The following KIF1B variants were observed in gnomAD, a reference collection of about 807,000 sequenced individuals.
KIF1B encodes the protein kinesin family member 1B, also known as kinesin-like protein KIF1B.
KIF1B carries 76 observed loss-of-function variants against 241.9 expected under a neutral mutation model. The observed-to-expected ratio is 0.31, with a 90% CI of 0.26 to 0.38. The LOEUF is 0.38. Among genes scored for constraint, KIF1B ranks in the 10% least tolerant of loss-of-function variants. KIF1B has a pLI of 1.00. For synonymous variants in KIF1B, 750 were observed against 796.7 expected (o/e 0.94, Z 0.99); for missense variants, 1,622 against 2,271.4 (o/e 0.71, Z 5.81).
At chr1:10,363,473 C>G (rs997822786) in intron 41 of KIF1B, 129 bp downstream of exon 41, 11 of 771,622 alleles carry the variant, frequency 1.4e-5, no homozygotes, top group Admixed American at 9.2e-5. Flanking sequence ...GGGTGGATCA[C>G]CTGAGTCCAG....
rs116019973 is a variant in KIF1B, at chr1:10,337,905, C to T, written c.3422+372C>T. ...CAATGACTTATCTAGCTAGCAATTA[C>T]GCCTATTTAATACTCGGGAAAAGGA... On this transcript the variant is annotated intron_variant, in intron 31 of 48. Transcript: ENST00000676179. The surrounding 1 kb of genome is among the most constrained non-coding windows in gnomAD (Gnocchi z 4.0). 8.0e-3 allele frequency among the ~76,000 whole-genome samples: 1,224 copies of T among 152,118 alleles called. 19 individuals are homozygous for T. Among genetic ancestry groups the T allele is most frequent in the African/African-American group, 0.028 (1,167 of 41,452 alleles).
rs1423081904 is a variant in KIF1B at position 10,374,569 on chromosome 1, A to G, written c.5096+104A>G. On this transcript the variant is annotated intron_variant, in intron 46 of 48. Coordinates refer to ENST00000676179, the MANE Select transcript of KIF1B (RefSeq NM_001365951.3). This position sits in a 1 kb window ranked among gnomAD's most constrained non-coding sequence, Gnocchi z 4.3. ...TGAGGTCTGTACTGTAGTCTGATGC[A>G]ATCTGTACTGTAGTCTGATGCAAGT... 1 of 1,327,032 alleles carries G rather than the reference A, an allele frequency of 7.5e-7. No homozygotes were observed. The highest frequency in any genetic ancestry group is 1.7e-5 in the Admixed American group (1 of 59,142). The allele number at this position is 1,327,032 out of a possible 1,614,324, so 82.2% of individuals were successfully genotyped here. A position where few individuals can be genotyped will look rare whatever the true frequency, so the allele number is the denominator to read the frequency against.
At chr1:10,313,758 G>GC (rs752724919) in intron 22 of KIF1B, among the ~76,000 whole-genome samples, 3 of 150,802 alleles carry the variant, frequency 2.0e-5, no homozygotes, top group Non-Finnish European at 2.9e-5. Flanking sequence ...CACCGTGTTA[G>GC]CCAGGATGGT....
chr1:10,263,626 A>G (rs1241362042), intron 5 of KIF1B, among the ~76,000 whole-genome samples: 3 of 152,214 alleles, frequency 2.0e-5, no homozygotes, highest in Non-Finnish European at 4.4e-5. Flanking sequence ...TGACTGTCAT[A>G]CACCAAAAAG....
Position 10,354,098 on chromosome 1 carries a change from CCAA to C in KIF1B, c.4055+1368_4055+1370del, listed in dbSNP as rs1388527485. Among the ~76,000 whole-genome samples, 12 of 152,048 alleles carry C rather than the reference CCAA, an allele frequency of 7.9e-5. 1 individual carries two copies. The highest frequency in any genetic ancestry group is 7.9e-4 in the Admixed American group (12 of 15,258). ...CTTTAAGAAGTCCTTTAATTCACGC[CCAA>C]CAACAGGTCAGGTGCTACAAGAAAT... is the stretch of plus-strand genomic sequence containing the variant. On this transcript the variant is annotated intron_variant, in intron 38 of 48. Coordinates refer to ENST00000676179, the MANE Select transcript of KIF1B (RefSeq NM_001365951.3).
intron 10 of KIF1B, among the ~76,000 whole-genome samples, chr1:10,273,934 CTTT>C (rs35845856): frequency 8.6e-6 from 1 of 116,784 alleles, no homozygotes; most frequent in Non-Finnish European, 1.7e-5. Context: ...TTAGTAGCTT[CTTT>C]TTTTTTTTTT....
rs150497684 is a variant in KIF1B at position 10,381,545 on chromosome 1, G to A, written c.*4958G>A. ...ATCTAACTGTGTGTGGTAACCTTGCGTCACGGAGCTGTTAGTGAACGAGGT... is the reference window on the plus strand; with the variant it reads ...ATCTAACTGTGTGTGGTAACCTTGCATCACGGAGCTGTTAGTGAACGAGGT... On this transcript the variant is annotated 3_prime_UTR_variant, in exon 49 of 49. Coordinates refer to ENST00000676179, the MANE Select transcript of KIF1B (RefSeq NM_001365951.3). The A allele has an allele frequency of 1.5e-3, 295 of 198,448 alleles. 1 individual carries two copies. Among genetic ancestry groups the A allele is most frequent in the Non-Finnish European group, 2.0e-3 (191 of 95,532 alleles). 12.3% of individuals were successfully genotyped at this position (198,448 alleles called of 1,614,324 possible). A position where few individuals can be genotyped will look rare whatever the true frequency, so the allele number is the denominator to read the frequency against.
intron 32 of KIF1B, among the ~76,000 whole-genome samples, chr1:10,341,109 C>T (rs2102321102): frequency 6.6e-6 from 1 of 152,338 alleles, no homozygotes; most frequent in East Asian, 1.9e-4. Flanking sequence ...ATCTCAGATG[C>T]TCCCAGTGAG....
chr1:10,228,759 G>A (rs1646942098), intron 1 of KIF1B, among the ~76,000 whole-genome samples: 1 of 152,166 alleles, frequency 6.6e-6, no homozygotes, highest in African/African-American at 2.4e-5. Context: ...GTATGTGGTA[G>A]TAAGGACATG....
chr1:10,349,266 TCTA>T (rs1489874028), intron 37 of KIF1B, among the ~76,000 whole-genome samples: 2 of 151,938 alleles, frequency 1.3e-5, no homozygotes, highest in Non-Finnish European at 2.9e-5. Flanking sequence ...AAATCCCATC[TCTA>T]CAAAAAAATA....
In KIF1B at chr1:10,282,668, T is replaced by G; in HGVS notation, c.1434+135T>G. 8 of 781,674 alleles carry G rather than the reference T, an allele frequency of 1.0e-5. No homozygotes were observed. The Admixed American group carries it at 1.7e-4, about 17-fold the overall frequency. 48.4% of individuals were successfully genotyped at this position (781,674 alleles called of 1,614,324 possible). On this transcript the variant is annotated intron_variant, in intron 15 of 48. Transcript: ENST00000676179. Reference sequence around the variant, plus strand: ...TCTTAGAAGTGTCCTGAAAATTGAATTTTGTGCTTTGTAAGTTAATTTCTT... The same window carrying G: ...TCTTAGAAGTGTCCTGAAAATTGAAGTTTGTGCTTTGTAAGTTAATTTCTT...
At chr1:10,291,946 C>A in intron 16 of KIF1B, 101 bp from the exon 17 acceptor site, 1 of 920,098 alleles carries the variant, frequency 1.1e-6, no homozygotes, top group Non-Finnish European at 1.8e-6. Flanking sequence ...ATAAACATGG[C>A]CAGTTGTTTT....
intron 1 of KIF1B, among the ~76,000 whole-genome samples, chr1:10,229,692 TA>T (rs796778699): frequency 1.0e-4 from 15 of 144,044 alleles, no homozygotes; most frequent in South Asian, 2.2e-4. Context: ...CCATCTCTAC[TA>T]AAAAAAAAAT....
Position 10,324,081 on chromosome 1 carries a change from A to G in KIF1B, c.2537+19A>G. 6.2e-7 allele frequency: 1 copy of G among 1,612,402 alleles called. No homozygotes were observed. The highest frequency in any genetic ancestry group is 8.5e-7 in the Non-Finnish European group (1 of 1,178,674). ...AACTCAAGTATGAAAACATTCATAAAGGCTGGTTGTTTTATTTAGGAAATA... is the reference window on the plus strand; with the variant it reads ...AACTCAAGTATGAAAACATTCATAAGGGCTGGTTGTTTTATTTAGGAAATA... On this transcript the variant is annotated intron_variant, in intron 25 of 48. Transcript: ENST00000676179.
intron 6 of KIF1B, 74 bp downstream of exon 6, chr1:10,267,632 G>T: frequency 7.1e-7 from 1 of 1,406,028 alleles, no homozygotes; most frequent in South Asian, 1.2e-5. Flanking sequence ...TTAAGGGTTT[G>T]AGGCCACATT....
At position 10,346,374 on chromosome 1, in the gene KIF1B, G is replaced by T. The variant is rs868101107; in HGVS notation, c.3797+421G>T. ...TTTTTTGGGGTTTTTTTTGTTTTTT[G>T]TTTTTTTTGAGATGGAGGCTTGCTC... On this transcript the variant is annotated intron_variant, in intron 35 of 48. Coordinates refer to ENST00000676179, the MANE Select transcript of KIF1B (RefSeq NM_001365951.3). Among the ~76,000 whole-genome samples, 759 of 151,234 alleles carry T rather than the reference G, an allele frequency of 5.0e-3. 5 individuals are homozygous for T. Among genetic ancestry groups the T allele is most frequent in the African/African-American group, 0.017 (718 of 41,174 alleles).
Position 10,357,384 on chromosome 1 carries a change from A to G in KIF1B, c.4056-3545A>G, listed in dbSNP as rs72867417. Among the ~76,000 whole-genome samples the G allele has an allele frequency of 3.3e-3, 496 of 152,218 alleles. 5 individuals are homozygous for G. Among genetic ancestry groups the G allele is most frequent in the African/African-American group, 0.012 (481 of 41,546 alleles). On this transcript the variant is annotated intron_variant, in intron 38 of 48. Coordinates refer to ENST00000676179, the MANE Select transcript of KIF1B (RefSeq NM_001365951.3). ...AGCCCTGTTTGTAACCCTAAATTCTATTGCCAGCTTGATTAAATTGACATT... is the reference window on the plus strand; with the variant it reads ...AGCCCTGTTTGTAACCCTAAATTCTGTTGCCAGCTTGATTAAATTGACATT...
At chr1:10,277,477 G>A (rs1216779433) in intron 12 of KIF1B, among the ~76,000 whole-genome samples, 4 of 152,106 alleles carry the variant, frequency 2.6e-5, no homozygotes, top group Non-Finnish European at 5.9e-5. Flanking sequence ...TAAAACTATA[G>A]GTGCATGCCA....
chr1:10,375,226 TTTC>T (rs1170895992), intron 47 of KIF1B, 26 bp from the exon 48 acceptor site: 1 of 1,591,288 alleles, frequency 6.3e-7, no homozygotes, highest in Non-Finnish European at 8.6e-7. Context: ...CTGTAGTAAC[TTTC>T]TTGTCTACCT....
Sources: allele counts gnomAD v4.1 joint callset (sites outside exome capture counted in the v4.1 genomes callset), GRCh38; gene constraint gnomAD v4.1.1; non-coding constraint Gnocchi (gnomAD v3.1); transcripts MANE v1.5; gene names NCBI Gene and HGNC (gene_info 2026-07-23, HGNC 2026-07-21).